The following PHF20 variants were observed in gnomAD, a reference collection of about 807,000 sequenced individuals.
The protein encoded by PHF20 is PHD finger protein 20, also known as glioma-expressed antigen 2.
A neutral mutation model predicts 113.5 loss-of-function variants in PHF20; 23 were observed. That is an observed-to-expected ratio of 0.20 (90% CI 0.15 to 0.29). PHF20 has a LOEUF of 0.29. PHF20 is among the 10% of genes least tolerant of loss of function. The pLI, the probability that PHF20 is intolerant of heterozygous loss-of-function variation, is 1.00. For missense variants in PHF20, 943 were observed against 1,219.6 expected (o/e 0.77, Z 3.38); for synonymous variants, 434 against 457.3 (o/e 0.95, Z 0.65).
rs369867507 is a variant in PHF20, at chr20:35,871,785, C to T, written c.1238C>T (p.Pro413Leu). 3.5e-5 allele frequency: 57 copies of T among 1,612,578 alleles called. No homozygotes were observed. The African/African-American group carries it at 3.9e-4, about 11-fold the overall frequency. Reference protein sequence around the residue: ...SMGENTMKTEPTSPLVELQEI... With the variant: ...SMGENTMKTELTSPLVELQEI... ...GGAGAAAACACGATGAAAACAGAAC[C>T]GACTTCTCCCCTTGTGGAATTACAA... is the stretch of plus-strand genomic sequence containing the variant. Residue 413 changes from proline to leucine, a missense_variant, in exon 9 of 18, where the codon CCG becomes CTG. Physicochemically the swap from Pro to Leu is moderately conservative, Grantham distance 98. Coordinates refer to ENST00000374012, the MANE Select transcript of PHF20 (RefSeq NM_016436.5).
Position 35,899,637 on chromosome 20 carries a change from C to A in PHF20, c.1550C>A (p.Ala517Asp). 1 of 1,613,826 alleles carries A rather than the reference C, an allele frequency of 6.2e-7. No homozygotes were observed. Among genetic ancestry groups the A allele is most frequent in the Non-Finnish European group, 8.5e-7 (1 of 1,179,872 alleles). Residue 517 changes from alanine (A) to aspartate (D), a missense_variant, in exon 10 of 18, where the codon GCC becomes GAC. This residue lies in a region of PHF20 where 592 missense variants were observed against 787.2 expected (regional missense o/e 0.75). Coordinates refer to ENST00000374012, the MANE Select transcript of PHF20 (RefSeq NM_016436.5). ...QETLTRKRVS[A>D]SSPTTKDKEK... ...ACCCTGACCAGGAAGCGGGTCTCTG[C>A]CAGTTCCCCAAGTAAGTATCTTCAT...
At chr20:35,805,393 A>G (rs1478711661) in intron 2 of PHF20, among the ~76,000 whole-genome samples, 4 of 142,360 alleles carry the variant, frequency 2.8e-5, no homozygotes, top group African/African-American at 1.1e-4. Flanking sequence ...TATTATTATT[A>G]TTATTTTGAG....
intron 12 of PHF20, among the ~76,000 whole-genome samples, chr20:35,915,450 G>A (rs995638968): frequency 1.3e-5 from 2 of 151,800 alleles, no homozygotes; most frequent in East Asian, 3.9e-4. Context: ...GCAGTGGCGC[G>A]ATCTTGGCTC....
At chr20:35,802,938 GAAA>G (rs768194320) in intron 2 of PHF20, among the ~76,000 whole-genome samples, 10 of 69,168 alleles carry the variant, frequency 1.4e-4, no homozygotes, top group Non-Finnish European at 8.6e-5. Context: ...GACTCGGTCT[GAAA>G]AAAAAAAAAA....
intron 2 of PHF20, among the ~76,000 whole-genome samples, chr20:35,813,959 G>GAAAAAAAAAAAAAAAAAA (rs2042022207): frequency 1.5e-5 from 2 of 136,168 alleles, no homozygotes; most frequent in African/African-American, 2.8e-5. Flanking sequence ...AAAAAAAAAG[G>GAAAAAAAAAAAAAAAAAA]AAATTGACCT....
At chr20:35,835,437 T>C (rs1166219193) in intron 2 of PHF20, among the ~76,000 whole-genome samples, 1 of 152,150 alleles carries the variant, frequency 6.6e-6, no homozygotes, top group African/African-American at 2.4e-5. Flanking sequence ...CATAGCCTAA[T>C]ACTGAAACTG....
intron 9 of PHF20, among the ~76,000 whole-genome samples, chr20:35,882,410 G>A (rs1253142667): frequency 6.6e-6 from 1 of 152,128 alleles, no homozygotes; most frequent in Non-Finnish European, 1.5e-5. Context: ...AATGTGATGG[G>A]TAATATTTAT....
At chr20:35,812,614 T>G (rs1031505684) in intron 2 of PHF20, among the ~76,000 whole-genome samples, 2 of 152,180 alleles carry the variant, frequency 1.3e-5, no homozygotes, top group African/African-American at 4.8e-5. Context: ...TTAAACATTT[T>G]TTTTGCAGAG....
chr20:35,862,338 G>C (rs1294241182), intron 5 of PHF20, among the ~76,000 whole-genome samples: 1 of 152,202 alleles, frequency 6.6e-6, no homozygotes, highest in Admixed American at 6.5e-5. Context: ...ACTGAACCAG[G>C]CCTCTGAAAA....
Position 35,850,799 on chromosome 20 carries a change from A to C in PHF20, c.340+3365A>C, listed in dbSNP as rs2042717218. The C allele has an allele frequency of 3.6e-6, 3 of 827,308 alleles. No individual in the cohort carries two copies. In the African/African-American group the frequency reaches 5.1e-5, roughly 14 times the overall value. The allele number at this position is 827,308 out of a possible 1,614,324, so 51.2% of individuals were successfully genotyped here. On this transcript the variant is annotated intron_variant, in intron 4 of 17. Transcript: ENST00000374012. ...AAGTGGGTCCACTAGCTAATACAGT[A>C]TTACCATATTTGTTATGAAAATCAG...
chr20:35,791,561 A>ATC (rs1555916038), intron 1 of PHF20, among the ~76,000 whole-genome samples: 3 of 144,456 alleles, frequency 2.1e-5, no homozygotes, highest in Admixed American at 7.0e-5. Flanking sequence ...ATATATATAT[A>ATC]TCTTAGAATT....
intron 2 of PHF20, among the ~76,000 whole-genome samples, chr20:35,824,915 C>T (rs984853661): frequency 2.0e-5 from 3 of 152,162 alleles, no homozygotes; most frequent in Non-Finnish European, 4.4e-5. Flanking sequence ...CTATGTTGTA[C>T]GTTACTGCTT....
At chr20:35,927,223 A>G (rs2055657993) in intron 13 of PHF20, among the ~76,000 whole-genome samples, 1 of 152,234 alleles carries the variant, frequency 6.6e-6, no homozygotes, top group Non-Finnish European at 1.5e-5. Flanking sequence ...GTTTAGAGAG[A>G]ATAAATGCAA....
intron 10 of PHF20, among the ~76,000 whole-genome samples, chr20:35,901,891 CCTCA>C (rs2147061834): frequency 6.6e-6 from 1 of 152,274 alleles, no homozygotes; most frequent in South Asian, 2.1e-4. Flanking sequence ...GGTCTCCAGA[CCTCA>C]CTGTCTCTGA....
intron 3 of PHF20, among the ~76,000 whole-genome samples, chr20:35,847,113 G>C (rs1444498264): frequency 6.6e-6 from 1 of 152,074 alleles, no homozygotes; most frequent in Non-Finnish European, 1.5e-5. Flanking sequence ...CCTCTCATAG[G>C]CCCCATTTTC....
intron 2 of PHF20, among the ~76,000 whole-genome samples, chr20:35,820,800 G>C (rs2042155630): frequency 6.6e-6 from 1 of 151,890 alleles, no homozygotes; most frequent in Non-Finnish European, 1.5e-5. Flanking sequence ...TATGTGTTTT[G>C]CTTTTTTTAT....
intron 2 of PHF20, among the ~76,000 whole-genome samples, chr20:35,821,008 G>A (rs1317438571): frequency 6.6e-6 from 1 of 152,072 alleles, no homozygotes; most frequent in Non-Finnish European, 1.5e-5. Flanking sequence ...GGTAGAGAGT[G>A]AGAGGCCAGA....
At chr20:35,800,760 ACT>A (rs2146863159) in intron 1 of PHF20, among the ~76,000 whole-genome samples, 1 of 152,230 alleles carries the variant, frequency 6.6e-6, no homozygotes, top group Admixed American at 6.6e-5. Flanking sequence ...AAAGAGTATG[ACT>A]CTGTCTCAAA....
At chr20:35,823,098 CAT>C (rs541615163) in intron 2 of PHF20, among the ~76,000 whole-genome samples, 5 of 151,326 alleles carry the variant, frequency 3.3e-5, no homozygotes, top group Non-Finnish European at 7.4e-5. Context: ...TATCAAAATC[CAT>C]ATGTGTACAT....
Sources: allele counts gnomAD v4.1 joint callset (sites outside exome capture counted in the v4.1 genomes callset), GRCh38; gene constraint gnomAD v4.1.1; regional missense constraint gnomAD v4.1.1; transcripts MANE v1.5; gene names NCBI Gene and HGNC (gene_info 2026-07-23, HGNC 2026-07-21).